Variants in TGFBR3 observed in about 807,000 individuals in gnomAD.
The protein encoded by TGFBR3 is transforming growth factor beta receptor type 3.
Under a neutral mutation model 87.9 loss-of-function variants are expected in TGFBR3, and 46 were observed. The ratio of observed to expected loss-of-function variants is 0.52; its 90% CI spans 0.41 to 0.67. The LOEUF (loss-of-function observed/expected upper bound fraction) is 0.67. TGFBR3 is among the 30% of genes least tolerant of loss of function. The pLI is 0.00. For missense variants in TGFBR3, 866 were observed against 1,041.9 expected (o/e 0.83, Z 2.32); for synonymous variants, 381 against 391.6 (o/e 0.97, Z 0.32).
intron 2 of TGFBR3, among the ~76,000 whole-genome samples, chr1:91,899,129 G>A (rs898681360): frequency 6.6e-6 from 1 of 152,160 alleles, no homozygotes; most frequent in Admixed American, 6.5e-5. Context: ...CAAAATTGTT[G>A]AGAGTAAATT....
intron 4 of TGFBR3, among the ~76,000 whole-genome samples, chr1:91,757,934 G>A (rs971986155): frequency 6.6e-6 from 1 of 152,174 alleles, no homozygotes; most frequent in Non-Finnish European, 1.5e-5. Context: ...GACAATGTGA[G>A]TTACAACTAC....
intron 16 of TGFBR3, among the ~76,000 whole-genome samples, chr1:91,686,370 C>A (rs111845229): frequency 1.3e-5 from 2 of 152,120 alleles, no homozygotes; most frequent in Admixed American, 1.3e-4. Flanking sequence ...AAGAAGCCTC[C>A]GCACTCAAGA....
intron 3 of TGFBR3, among the ~76,000 whole-genome samples, chr1:91,780,259 CG>C (rs1674713000): frequency 6.6e-6 from 1 of 152,152 alleles, no homozygotes; most frequent in Admixed American, 6.6e-5. Context: ...AACAATAAAA[CG>C]TACAGGTGTG....
In TGFBR3 at chr1:91,722,023, T is replaced by C. The variant is rs200531720; in HGVS notation, c.1007A>G (p.Tyr336Cys). ...CATTGTGTATGAAGTTATTGGACTA[T>C]AGCCATTGTCCAAAGCCCACTTCAC... ...NLVKWALDNG[Y>C]SPITSYTMAP... The change falls in exon 8 of 17, where the codon TAT becomes TGT. Residue 336 changes from tyrosine (Y) to cysteine (C), a missense_variant. By Grantham distance (194) the Tyr-to-Cys change is radical. Coordinates refer to ENST00000212355, the MANE Select transcript of TGFBR3 (RefSeq NM_003243.5). The C allele has an allele frequency of 1.3e-5, 21 of 1,613,780 alleles. No homozygotes were observed. Among genetic ancestry groups the C allele is most frequent in the Non-Finnish European group, 1.7e-5 (20 of 1,179,848 alleles).
At chr1:91,705,552 T>G (rs1571424252) in intron 14 of TGFBR3, among the ~76,000 whole-genome samples, 1 of 96,090 alleles carries the variant, frequency 1.0e-5, no homozygotes, top group Admixed American at 1.2e-4. Flanking sequence ...CAAATGACTA[T>G]TCCAATTCAC....
At position 91,683,870 on chromosome 1, in the gene TGFBR3, A is replaced by G; in HGVS notation, c.2438-13T>C. On this transcript the variant is annotated splice_polypyrimidine_tract_variant and intron_variant, in intron 16 of 16. Transcript: ENST00000212355. ...CCTGCTGTCTCCCCTGCAGTTAATA[A>G]AGAAAAGGCAGAGTCAGAGAAAGAC... 6.3e-7 allele frequency: 1 copy of G among 1,583,268 alleles called. No individual in the cohort carries two copies. Among genetic ancestry groups the G allele is most frequent in the Non-Finnish European group, 8.6e-7 (1 of 1,162,310 alleles).
chr1:91,809,636 C>T (rs1467985365), intron 2 of TGFBR3, among the ~76,000 whole-genome samples: 1 of 152,168 alleles, frequency 6.6e-6, no homozygotes, highest in Non-Finnish European at 1.5e-5. Flanking sequence ...AACTAAAACA[C>T]ATTTACTTTA....
chr1:91,749,934 C>G (rs1673478616), intron 4 of TGFBR3, among the ~76,000 whole-genome samples: 1 of 152,186 alleles, frequency 6.6e-6, no homozygotes, highest in Admixed American at 6.5e-5. Flanking sequence ...ATACAATTGC[C>G]CAACACTTGG....
intron 4 of TGFBR3, chr1:91,755,209 A>T (rs1050766548): frequency 2.6e-5 from 4 of 152,202 alleles, no homozygotes; most frequent in Non-Finnish European, 5.9e-5. Flanking sequence ...ATGGATAAAG[A>T]GAACACACTA....
intron 4 of TGFBR3, among the ~76,000 whole-genome samples, chr1:91,737,562 C>T (rs1045243404): frequency 6.6e-6 from 1 of 152,112 alleles, no homozygotes; most frequent in Admixed American, 6.5e-5. Context: ...GAAGACCTCA[C>T]TAGCTCCCAA....
Position 91,680,452 on chromosome 1 carries a change from GA to G in TGFBR3, c.*3286del, listed in dbSNP as rs1670869716. 1 of 453,904 alleles carries G rather than the reference GA, an allele frequency of 2.2e-6. No individual in the cohort carries two copies. The highest frequency in any genetic ancestry group is 4.4e-6 in the Non-Finnish European group (1 of 226,788). 28.1% of individuals were successfully genotyped at this position (453,904 alleles called of 1,614,324 possible). On this transcript the variant is annotated 3_prime_UTR_variant, in exon 17 of 17. Transcript: ENST00000212355. ...CACAAAATAGCTGACACACTGAACA[GA>G]GAAAAGAATACAACAGGGGTGTTCA...
chr1:91,698,962 A>C (rs1360886441), intron 14 of TGFBR3, among the ~76,000 whole-genome samples: 2 of 142,168 alleles, frequency 1.4e-5, no homozygotes, highest in Admixed American at 7.0e-5. Flanking sequence ...CCCCCCAATT[A>C]TTTCCTCCTC....
At chr1:91,882,040 A>AAAATAAAC (rs140935433) in intron 1 of TGFBR3, among the ~76,000 whole-genome samples, 1 of 146,350 alleles carries the variant, frequency 6.8e-6, no homozygotes, top group African/African-American at 2.5e-5. Flanking sequence ...CTTTGTCTCA[A>AAAATAAAC]AAATAAATAA....
chr1:91,860,531 C>CTA (rs1283776699), intron 2 of TGFBR3, among the ~76,000 whole-genome samples: 2 of 152,172 alleles, frequency 1.3e-5, no homozygotes, highest in African/African-American at 2.4e-5. Flanking sequence ...TAACCCCTCA[C>CTA]AGTAAACACA....
chr1:91,847,282 A>T (rs1268963163), intron 2 of TGFBR3, among the ~76,000 whole-genome samples: 2 of 152,158 alleles, frequency 1.3e-5, no homozygotes, highest in East Asian at 1.9e-4. Flanking sequence ...TTAATTTTTT[A>T]AAAGCTCTAG....
intron 3 of TGFBR3, among the ~76,000 whole-genome samples, chr1:91,773,638 C>T (rs745554510): frequency 8.5e-5 from 13 of 152,284 alleles, no homozygotes; most frequent in Non-Finnish European, 1.6e-4. Flanking sequence ...GCCGAGATCG[C>T]GCCACTGCAC....
intron 3 of TGFBR3, chr1:91,766,482 T>A (rs1381108773): frequency 6.6e-6 from 1 of 151,666 alleles, no homozygotes; most frequent in Admixed American, 6.6e-5. Context: ...TCAAACTGCA[T>A]AATAAAGAGA....
At chr1:91,810,847 C>T (rs530021843) in intron 2 of TGFBR3, among the ~76,000 whole-genome samples, 15 of 152,126 alleles carry the variant, frequency 9.9e-5, no homozygotes, top group Non-Finnish European at 2.2e-4. Context: ...GTAATTATTA[C>T]CATCTCTTCA....
chr1:91,898,191 G>A (rs969542966), intron 2 of TGFBR3, among the ~76,000 whole-genome samples: 1 of 152,056 alleles, frequency 6.6e-6, no homozygotes, highest in Non-Finnish European at 1.5e-5. Flanking sequence ...CTCTTCAGAG[G>A]TAACCACTTT....
Sources: allele counts gnomAD v4.1 joint callset (sites outside exome capture counted in the v4.1 genomes callset), GRCh38; gene constraint gnomAD v4.1.1; transcripts MANE v1.5; gene names NCBI Gene and HGNC (gene_info 2026-07-23, HGNC 2026-07-21).